The following EAPP variants were observed in gnomAD, a reference collection of about 807,000 sequenced individuals.
EAPP encodes the protein E2F-associated phosphoprotein.
Under a neutral mutation model 34.3 loss-of-function variants are expected in EAPP, and 38 were observed. That is an observed-to-expected ratio of 1.11 (90% CI 0.85 to 1.45). EAPP has a LOEUF of 1.45. EAPP is among the 40% of genes most tolerant of loss of function. EAPP has a pLI of 0.00. For missense variants in EAPP, 338 were observed against 343.7 expected, an observed-to-expected ratio of 0.98 and a Z score of 0.13; for synonymous variants, 113 against 117.6, an observed-to-expected ratio of 0.96 and a Z score of 0.25.
intron 5 of EAPP, among the ~76,000 whole-genome samples, chr14:34,520,034 C>T (rs886335402): frequency 3.3e-5 from 5 of 150,902 alleles, no homozygotes; most frequent in South Asian, 4.2e-4. Context: ...TACAGGTGTC[C>T]GCCACGACTT....
At chr14:34,539,459 A>C in intron 1 of EAPP, 96 bp downstream of exon 1, 1 of 1,332,740 alleles carries the variant, frequency 7.5e-7, no homozygotes, top group Non-Finnish European at 1.1e-6. Flanking sequence ...CCGAGCCGCT[A>C]GGGTCTGCGT....
intron 5 of EAPP, among the ~76,000 whole-genome samples, chr14:34,519,845 CA>C (rs141797439): frequency 0.36 from 50,569 of 142,246 alleles, 8,885 homozygotes; most frequent in Non-Finnish European, 0.41. Context: ...CATGAAATCA[CA>C]AAAAAAAAAC....
intron 5 of EAPP, among the ~76,000 whole-genome samples, chr14:34,519,596 T>C (rs1450734610): frequency 2.0e-5 from 3 of 152,058 alleles, no homozygotes; most frequent in African/African-American, 7.2e-5. Flanking sequence ...CCTGTGGAAT[T>C]ATGAGCCAAT....
chr14:34,518,291 C>T (rs190851259), intron 5 of EAPP, among the ~76,000 whole-genome samples: 5 of 144,170 alleles, frequency 3.5e-5, no homozygotes, highest in African/African-American at 1.3e-4. Context: ...TATTGTATTG[C>T]AATACTAATA....
At chr14:34,524,653 ATGTATGTG>A (rs1880033802) in intron 5 of EAPP, 36 bp downstream of exon 5, 2 of 875,964 alleles carry the variant, frequency 2.3e-6, no homozygotes, top group Non-Finnish European at 3.5e-6. Flanking sequence ...TAAACAAAAT[ATGTATGTG>A]TGTGTGTGTG....
Position 34,529,425 on chromosome 14 carries a change from C to A in EAPP, c.403G>T (p.Asp135Tyr), listed in dbSNP as rs1462690106. The A allele has an allele frequency of 3.7e-6, 6 of 1,613,356 alleles. No homozygotes were observed. Among genetic ancestry groups the A allele is most frequent in the Non-Finnish European group, 4.2e-6 (5 of 1,179,932 alleles). The change falls in exon 4 of 6, where the codon GAC becomes TAC. Residue 135 changes from aspartate to tyrosine, a missense_variant. Physicochemically the swap from Asp to Tyr is radical, Grantham distance 160. Coordinates refer to ENST00000250454, the MANE Select transcript of EAPP (RefSeq NM_018453.4). ...TTTTCAGGATCATACAGTAATTCGT[C>A]ATTTGTTGGAATCTTGTGTTGTTTC... Reference protein sequence around the residue: ...KKKQHKIPTNDELLYDPEKDN... With the variant: ...KKKQHKIPTNYELLYDPEKDN...
chr14:34,521,525 A>G (rs1034517274), intron 5 of EAPP, among the ~76,000 whole-genome samples: 2 of 151,982 alleles, frequency 1.3e-5, no homozygotes, highest in African/African-American at 4.8e-5. Context: ...ATTTTCAAAC[A>G]GTCTATCTTT....
In EAPP at chr14:34,533,513, C is replaced by G; in HGVS notation, c.283G>C (p.Ala95Pro). 6.3e-7 allele frequency: 1 copy of G among 1,593,596 alleles called. No individual in the cohort carries two copies. Residue 95 changes from alanine (A) to proline (P), a missense_variant, in exon 3 of 6, where the codon GCA (alanine) becomes CCA (proline). Physicochemically the swap from Ala to Pro is conservative, Grantham distance 27. Transcript: ENST00000250454. ...TGSSSGNGKV[A>P]TAPTRYYDDI... ...TCGTAGTACCTTGTCGGAGCTGTTG[C>G]AACTTTTCCATTTCCTGAGGAAGAT...
chr14:34,521,369 C>T (rs1342092531), intron 5 of EAPP, among the ~76,000 whole-genome samples: 2 of 152,114 alleles, frequency 1.3e-5, no homozygotes, highest in African/African-American at 4.8e-5. Context: ...CCATCCCCAG[C>T]TACTGCTATT....
At chr14:34,529,028 C>T (rs929601484) in intron 4 of EAPP, among the ~76,000 whole-genome samples, 2 of 151,902 alleles carry the variant, frequency 1.3e-5, no homozygotes, top group African/African-American at 2.4e-5. Flanking sequence ...CCCAACTACT[C>T]GGGAAGCTGA....
chr14:34,523,238 C>T (rs894904558), intron 5 of EAPP, among the ~76,000 whole-genome samples: 1 of 131,260 alleles, frequency 7.6e-6, no homozygotes, highest in African/African-American at 2.6e-5. Flanking sequence ...AGAAAAGATA[C>T]CTTTTTTTTT....
At chr14:34,518,564 G>A (rs951713655) in intron 5 of EAPP, among the ~76,000 whole-genome samples, 15 of 151,716 alleles carry the variant, frequency 9.9e-5, no homozygotes, top group African/African-American at 3.1e-4. Flanking sequence ...ATCTCCTGAC[G>A]TTGTGATCCA....
At position 34,533,540 on chromosome 14, in the gene EAPP, CTATTCAA is replaced by C; in HGVS notation, c.257-8_257-2del. 2 of 1,568,218 alleles carry C rather than the reference CTATTCAA, an allele frequency of 1.3e-6. No homozygotes were observed. The highest frequency in any genetic ancestry group is 3.4e-4 in the Middle Eastern group (2 of 5,856). ...ACTTTTCCATTTCCTGAGGAAGATC[CTATTCAA>C]ACCAGAAGTAAAGTTTACAGACTAA... On this transcript the variant is annotated splice_acceptor_variant and splice_polypyrimidine_tract_variant and intron_variant, in intron 2 of 5. Coordinates refer to ENST00000250454, the MANE Select transcript of EAPP (RefSeq NM_018453.4). LOFTEE classifies it high-confidence loss of function.
chr14:34,535,436 G>GTTT (rs1880437718), intron 2 of EAPP, among the ~76,000 whole-genome samples: 3 of 39,050 alleles, frequency 7.7e-5, no homozygotes, highest in Non-Finnish European at 1.2e-4. Context: ...GGTCGCTACA[G>GTTT]ATTTTTTTTT....
intron 5 of EAPP, among the ~76,000 whole-genome samples, chr14:34,521,914 G>A (rs989728247): frequency 3.3e-5 from 5 of 151,816 alleles, no homozygotes; most frequent in Admixed American, 6.6e-5. Flanking sequence ...GATTACAGGC[G>A]TGAGCCACTG....
intron 4 of EAPP, among the ~76,000 whole-genome samples, chr14:34,526,759 G>A (rs927041532): frequency 2.6e-5 from 4 of 151,502 alleles, no homozygotes; most frequent in Non-Finnish European, 5.9e-5. Flanking sequence ...AAACAAGCAT[G>A]GACTCAGGAG....
At chr14:34,530,638 C>G (rs1050648115) in intron 3 of EAPP, among the ~76,000 whole-genome samples, 6 of 151,888 alleles carry the variant, frequency 4.0e-5, no homozygotes, top group Non-Finnish European at 1.5e-5. Flanking sequence ...AAACTGGTAT[C>G]TCAAGGACTA....
intron 1 of EAPP, among the ~76,000 whole-genome samples, chr14:34,538,859 C>T (rs1323723370): frequency 6.6e-6 from 1 of 152,190 alleles, no homozygotes; most frequent in African/African-American, 2.4e-5. Context: ...CTTCAAGTTT[C>T]CCTGGTAGAA....
chr14:34,520,284 AC>A (rs939229248), intron 5 of EAPP, among the ~76,000 whole-genome samples: 2 of 151,882 alleles, frequency 1.3e-5, no homozygotes, highest in Non-Finnish European at 2.9e-5. Flanking sequence ...ATCTTGGCTC[AC>A]TGCAACCTCC....
Sources: allele counts gnomAD v4.1 joint callset (sites outside exome capture counted in the v4.1 genomes callset), GRCh38; gene constraint gnomAD v4.1.1; transcripts MANE v1.5; gene names NCBI Gene and HGNC (gene_info 2026-07-23, HGNC 2026-07-21).